The following AP1G1 variants were observed in gnomAD, a reference collection of about 807,000 sequenced individuals.
The protein encoded by AP1G1 is adaptor related protein complex 1 subunit gamma 1.
A neutral mutation model predicts 108.3 loss-of-function variants in AP1G1; 7 were observed. The observed-to-expected ratio is 0.06, with a 90% CI of 0.04 to 0.12. AP1G1 has a LOEUF of 0.12. Ranked by LOEUF, AP1G1 falls within the 10% of genes least tolerant of loss-of-function variation. AP1G1 has a pLI of 1.00. For missense variants in AP1G1, 756 were observed against 1,010.7 expected, an observed-to-expected ratio of 0.75 and a Z score of 3.42; for synonymous variants, 379 against 353.5, an observed-to-expected ratio of 1.07 and a Z score of -0.81.
rs763979151 is a variant in AP1G1, at chr16:71,750,002, A to T, written c.1408-19T>A. The stretch of plus-strand genomic sequence containing the variant: ...AAGGTTGCTGTGAAAAGAAAAGTCA[A>T]CGTTTCTCAAGAACTTCAATTTTTC... On this transcript the variant is annotated intron_variant, in intron 14 of 22. Coordinates refer to ENST00000299980, the MANE Select transcript of AP1G1 (RefSeq NM_001128.6). 2 of 1,596,114 alleles carry T rather than the reference A, an allele frequency of 1.3e-6. No homozygotes were observed. Among genetic ancestry groups the T allele is most frequent in the African/African-American group, 2.7e-5 (2 of 74,476 alleles).
At chr16:71,739,200 C>T in intron 20 of AP1G1, 34 bp downstream of exon 20, 1 of 1,608,234 alleles carries the variant, frequency 6.2e-7, no homozygotes, top group South Asian at 1.1e-5. Context: ...TTACTCAGTG[C>T]TCCATGTAAT....
intron 19 of AP1G1, among the ~76,000 whole-genome samples, chr16:71,741,497 C>T (rs1206940444): frequency 6.6e-6 from 1 of 152,086 alleles, no homozygotes; most frequent in Non-Finnish European, 1.5e-5. Context: ...GCAGGAGAAT[C>T]GCTTGAATCT....
chr16:71,801,657 G>C (rs1293556418), intron 1 of AP1G1, among the ~76,000 whole-genome samples: 3 of 152,152 alleles, frequency 2.0e-5, no homozygotes, highest in African/African-American at 7.2e-5. Context: ...CGGGCGCGGT[G>C]GGTCACGCCT....
At chr16:71,755,418 C>A (rs2030729147) in intron 12 of AP1G1, among the ~76,000 whole-genome samples, 1 of 151,792 alleles carries the variant, frequency 6.6e-6, no homozygotes, top group South Asian at 2.1e-4. Context: ...GCCTAGGTGA[C>A]AAAGTGAGAC....
intron 2 of AP1G1, among the ~76,000 whole-genome samples, chr16:71,775,058 C>CTCTTGTCG (rs1437158561): frequency 9.9e-6 from 1 of 101,346 alleles, no homozygotes; most frequent in Non-Finnish European, 1.9e-5. Context: ...GGGGTTTTTG[C>CTCTTGTCG]TCTTGTCGCC....
At chr16:71,770,274 A>C (rs540123361) in intron 5 of AP1G1, among the ~76,000 whole-genome samples, 1 of 152,344 alleles carries the variant, frequency 6.6e-6, no homozygotes, top group African/African-American at 2.4e-5. Flanking sequence ...ACAGCACTGA[A>C]TTTGTCAAAT....
At chr16:71,777,253 G>A (rs1246875314) in intron 2 of AP1G1, among the ~76,000 whole-genome samples, 1 of 151,616 alleles carries the variant, frequency 6.6e-6, no homozygotes, top group Admixed American at 6.6e-5. Context: ...GCAGGATAGG[G>A]ATGAGGCAGG....
intron 5 of AP1G1, among the ~76,000 whole-genome samples, chr16:71,770,710 T>G (rs957719005): frequency 6.6e-6 from 1 of 152,242 alleles, no homozygotes; most frequent in African/African-American, 2.4e-5. Flanking sequence ...GCTCAAATGA[T>G]CTGCCCACCT....
At chr16:71,789,167 T>C (rs2145524684) in intron 2 of AP1G1, 112 bp downstream of exon 2, 2 of 968,688 alleles carry the variant, frequency 2.1e-6, no homozygotes, top group African/African-American at 1.6e-5. Flanking sequence ...AGTTCCACAA[T>C]GATCAGACTA....
chr16:71,777,590 T>C, intron 2 of AP1G1: 1 of 395,860 alleles, frequency 2.5e-6, no homozygotes, highest in Non-Finnish European at 5.3e-6. Flanking sequence ...ATCCCCAGCC[T>C]GTTGGCAGGC....
intron 6 of AP1G1, among the ~76,000 whole-genome samples, chr16:71,765,979 T>C (rs1445375994): frequency 1.3e-5 from 2 of 152,220 alleles, no homozygotes; most frequent in African/African-American, 2.4e-5. Context: ...AACATTTGCA[T>C]GTAACATGTC....
chr16:71,790,191 G>T (rs948715840), intron 1 of AP1G1, among the ~76,000 whole-genome samples: 4 of 151,548 alleles, frequency 2.6e-5, no homozygotes, highest in Non-Finnish European at 4.4e-5. Context: ...CTAATTTCAA[G>T]AATTACTACA....
At chr16:71,735,750 A>G (rs2045527247) in intron 21 of AP1G1, among the ~76,000 whole-genome samples, 1 of 152,120 alleles carries the variant, frequency 6.6e-6, no homozygotes, top group Non-Finnish European at 1.5e-5. Context: ...ATCTTTCCTA[A>G]AAGTAGATTA....
Position 71,738,947 on chromosome 16 carries a change from G to A in AP1G1, c.2263C>T (p.Pro755Ser). ...TAAAGAAGACATTGTAGTACCTTTG[G>A]TACTGCAGCTTGGAAAACAAAGTCC... ...MTDFVFQAAV[P>S]KTFQLQLLSP... The change falls in exon 21 of 23, where the codon CCA becomes TCA. Residue 755 changes from proline (P) to serine (S), a missense_variant. Pro to Ser is a moderately conservative substitution (Grantham distance 74). Coordinates refer to ENST00000299980, the MANE Select transcript of AP1G1 (RefSeq NM_001128.6). The A allele has an allele frequency of 6.2e-7, 1 of 1,613,758 alleles. No individual in the cohort carries two copies. The highest frequency in any genetic ancestry group is 8.5e-7 in the Non-Finnish European group (1 of 1,179,864).
chr16:71,768,759 C>CA (rs201273995), intron 6 of AP1G1, among the ~76,000 whole-genome samples: 22,340 of 147,538 alleles, frequency 0.15, 1,940 homozygotes, highest in South Asian at 0.39. Context: ...ACTAAAAATA[C>CA]AAAAAATTAG....
chr16:71,775,875 G>C (rs1444316640), intron 2 of AP1G1, among the ~76,000 whole-genome samples: 2 of 152,102 alleles, frequency 1.3e-5, no homozygotes, highest in East Asian at 3.9e-4. Flanking sequence ...AGCTTCTTAG[G>C]GCTTAAGAGT....
chr16:71,743,142 G>C (rs964853206), intron 19 of AP1G1: 19 of 152,044 alleles, frequency 1.2e-4, no homozygotes, highest in African/African-American at 4.6e-4. Context: ...TTAACTGTGG[G>C]GTTGTTTTTT....
chr16:71,803,204 ACT>A (rs2032870439), intron 1 of AP1G1, among the ~76,000 whole-genome samples: 1 of 151,956 alleles, frequency 6.6e-6, no homozygotes. Context: ...ACAGAGTGAG[ACT>A]CTGTCTCAAA....
chr16:71,779,997 T>TG (rs2031946913), intron 2 of AP1G1, among the ~76,000 whole-genome samples: 1 of 146,082 alleles, frequency 6.8e-6, no homozygotes, highest in Non-Finnish European at 1.5e-5. Context: ...TTTTTTTTGT[T>TG]TTTTTTTTTT....
Sources: gnomAD v4.1 joint callset for allele counts (sites outside exome capture counted in the v4.1 genomes callset) on GRCh38, gnomAD v4.1.1 for gene constraint, MANE v1.5 for transcripts, NCBI Gene and HGNC (gene_info 2026-07-23, HGNC 2026-07-21) for gene names.